XRN2: variants seen among roughly 807,000 people sequenced by gnomAD.
XRN2 encodes 5'-3' exoribonuclease 2.
A neutral mutation model predicts 138.5 loss-of-function variants in XRN2; 44 were observed. The ratio of observed to expected loss-of-function variants is 0.32; its 90% CI spans 0.25 to 0.41. The LOEUF is 0.41. Ranked by LOEUF, XRN2 falls within the 10% of genes least tolerant of loss-of-function variation. The pLI, the probability that XRN2 is intolerant of heterozygous loss-of-function variation, is 1.00. For missense variants in XRN2, 937 were observed against 1,169.3 expected, an observed-to-expected ratio of 0.80 and a Z score of 2.90; for synonymous variants, 354 against 369.4, an observed-to-expected ratio of 0.96 and a Z score of 0.48.
At chr20:21,324,250 C>T (rs1763277274) in intron 1 of XRN2, among the ~76,000 whole-genome samples, 1 of 152,020 alleles carries the variant, frequency 6.6e-6, no homozygotes, top group Non-Finnish European at 1.5e-5. Context: ...AGAAGATTGT[C>T]TAGTAGCTTC....
chr20:21,328,486 T>G, intron 3 of XRN2, 73 bp from the exon 4 acceptor site: 1 of 1,401,532 alleles, frequency 7.1e-7, no homozygotes, highest in Non-Finnish European at 9.9e-7. Flanking sequence ...TAAGAACAAC[T>G]GATTCAAAAT....
intron 27 of XRN2, among the ~76,000 whole-genome samples, chr20:21,373,251 G>C (rs1371691717): frequency 6.6e-6 from 1 of 152,136 alleles, no homozygotes; most frequent in Non-Finnish European, 1.5e-5. Context: ...CTCGTGATCT[G>C]CCCGCCTCGT....
intron 27 of XRN2, among the ~76,000 whole-genome samples, chr20:21,376,148 A>T (rs921490563): frequency 6.6e-6 from 1 of 151,378 alleles, no homozygotes; most frequent in African/African-American, 2.4e-5. Flanking sequence ...ACCAGGTGTT[A>T]TTTTTTAAAA....
chr20:21,307,805 T>C (rs2037824708), intron 1 of XRN2, among the ~76,000 whole-genome samples: 1 of 77,566 alleles, frequency 1.3e-5, no homozygotes, highest in African/African-American at 3.5e-5. Flanking sequence ...GTATGATAAG[T>C]TTTCATTTTC....
chr20:21,320,049 T>C (rs1217516277), intron 1 of XRN2, among the ~76,000 whole-genome samples: 4 of 152,160 alleles, frequency 2.6e-5, no homozygotes, highest in Non-Finnish European at 5.9e-5. Flanking sequence ...TTTGTAACTT[T>C]ATAGCTTGAA....
chr20:21,332,103 A>G (rs1028527123), intron 8 of XRN2, among the ~76,000 whole-genome samples, 180 bp from the exon 9 acceptor site: 9 of 152,170 alleles, frequency 5.9e-5, no homozygotes, highest in Non-Finnish European at 1.2e-4. Context: ...TTGTAGGTCC[A>G]CGTATCTAGA....
At chr20:21,338,726 C>T (rs2038333064) in intron 13 of XRN2, among the ~76,000 whole-genome samples, 1 of 152,034 alleles carries the variant, frequency 6.6e-6, no homozygotes, top group African/African-American at 2.4e-5. Context: ...TGTATCTTCT[C>T]CATATTGACA....
intron 4 of XRN2, among the ~76,000 whole-genome samples, chr20:21,330,072 C>T (rs1313189733): frequency 6.6e-6 from 1 of 152,106 alleles, no homozygotes; most frequent in Non-Finnish European, 1.5e-5. Context: ...GACTGGAGGT[C>T]AGGAGTTCAA....
chr20:21,386,370 GA>G (rs1191920997), intron 28 of XRN2, among the ~76,000 whole-genome samples: 1 of 152,148 alleles, frequency 6.6e-6, no homozygotes. Flanking sequence ...TAATGGATGG[GA>G]AAAAACAGCC....
At position 21,365,697 on chromosome 20, in the gene XRN2, A is replaced by G; in HGVS notation, c.2449A>G (p.Thr817Ala). The change falls in exon 26 of 30, where the codon ACT (threonine) becomes GCT (alanine). Residue 817 changes from threonine (T) to alanine (A), a missense_variant. This residue lies in a region of XRN2 where 372 missense variants were observed against 414.4 expected (regional missense o/e 0.90). Transcript: ENST00000377191. ...GCACCTGGATCAGGCAGCCTTCAGGACTTTGGGGTGAGTTGTCAGTTTTTA... is the reference window on the plus strand; with the variant it reads ...GCACCTGGATCAGGCAGCCTTCAGGGCTTTGGGGTGAGTTGTCAGTTTTTA... ...PVHLDQAAFR[T>A]LGHVMPRGSG... 1.3e-6 allele frequency: 2 copies of G among 1,569,578 alleles called. No individual in the cohort carries two copies. The highest frequency in any genetic ancestry group is 1.1e-5 in the South Asian group (1 of 89,678).
chr20:21,348,976 G>A (rs1568584633), intron 19 of XRN2, among the ~76,000 whole-genome samples: 1 of 152,148 alleles, frequency 6.6e-6, no homozygotes, highest in South Asian at 2.1e-4. Context: ...CTACCTGTAA[G>A]TCTTTAATTT....
chr20:21,388,750 G>A (rs979384623), intron 29 of XRN2, among the ~76,000 whole-genome samples: 3 of 152,132 alleles, frequency 2.0e-5, no homozygotes, highest in Non-Finnish European at 4.4e-5. Flanking sequence ...TAAAGGTCAC[G>A]GCTAATGGAT....
intron 1 of XRN2, among the ~76,000 whole-genome samples, chr20:21,323,397 G>A (rs1269508493): frequency 2.6e-5 from 4 of 152,210 alleles, no homozygotes; most frequent in Non-Finnish European, 5.9e-5. Flanking sequence ...ATAATTAAAA[G>A]TCATTACTTG....
rs552062401 is a variant in XRN2 at position 21,350,504 on chromosome 20, C to T, written c.1936+1043C>T. Among the ~76,000 whole-genome samples, 177 of 107,168 alleles carry T rather than the reference C, an allele frequency of 1.7e-3. 1 individual carries two copies. The highest frequency in any genetic ancestry group is 6.1e-3 in the African/African-American group (167 of 27,176). 70.3% of individuals were successfully genotyped at this position (107,168 alleles called of 152,430 possible). The stretch of plus-strand genomic sequence containing the variant: ...TAGCACCACTGCACTCCAGCCTGGG[C>T]GACAGAGCAAGACTCCGTCTCAAAA... On this transcript the variant is annotated intron_variant, in intron 20 of 29. Coordinates refer to ENST00000377191, the MANE Select transcript of XRN2 (RefSeq NM_012255.5).
chr20:21,315,457 CT>C (rs1830569014), intron 1 of XRN2, among the ~76,000 whole-genome samples: 1 of 152,118 alleles, frequency 6.6e-6, no homozygotes, highest in Non-Finnish European at 1.5e-5. Flanking sequence ...ATCTGTGTAT[CT>C]TTTGGAGAAA....
Position 21,333,782 on chromosome 20 carries a change from A to G in XRN2, c.1012A>G (p.Met338Val), listed in dbSNP as rs1276603457. Residue 338 changes from methionine to valine, a missense_variant, in exon 11 of 30, where the codon ATG becomes GTG. By Grantham distance (21) the Met-to-Val change is conservative. This residue lies in a region of XRN2 where 471 missense variants were observed against 581.2 expected (regional missense o/e 0.81). Coordinates refer to ENST00000377191, the MANE Select transcript of XRN2 (RefSeq NM_012255.5). ...GAGGAGCATTGATGACTGGGTTTTC[A>G]TGTGCTTCTTTGTGGGAAATGACTT... The part of the protein sequence containing the change: ...VERSIDDWVF[M>V]CFFVGNDFLP... The G allele has an allele frequency of 6.2e-7, 1 of 1,614,108 alleles. No homozygotes were observed. Among genetic ancestry groups the G allele is most frequent in the Non-Finnish European group, 8.5e-7 (1 of 1,179,998 alleles).
chr20:21,319,137 C>T (rs2122181941), intron 1 of XRN2, among the ~76,000 whole-genome samples: 1 of 152,234 alleles, frequency 6.6e-6, no homozygotes, highest in Non-Finnish European at 1.5e-5. Context: ...AAATGACCCT[C>T]TTTACCTCCA....
At chr20:21,378,784 A>G (rs2038852138) in intron 27 of XRN2, among the ~76,000 whole-genome samples, 1 of 152,144 alleles carries the variant, frequency 6.6e-6, no homozygotes, top group Non-Finnish European at 1.5e-5. Context: ...ATGAAATTGC[A>G]CTCAAGAAGG....
In XRN2 at chr20:21,348,198, C is replaced by T; in HGVS notation, c.1718C>T (p.Ser573Leu). The T allele has an allele frequency of 1.9e-6, 3 of 1,613,998 alleles. No homozygotes were observed. The highest frequency in any genetic ancestry group is 2.5e-6 in the Non-Finnish European group (3 of 1,179,990). The change falls in exon 18 of 30, where the codon TCA (serine) becomes TTA (leucine). Residue 573 changes from serine to leucine, a missense_variant. By Grantham distance (145) the Ser-to-Leu change is moderately radical. Transcript: ENST00000377191. ...YYPFHYAPFA[S>L]DFEGIADMPS... ...CCATTTCATTATGCACCATTTGCTTCAGACTTTGAAGGCATTGCAGACATG... is the reference window on the plus strand; with the variant it reads ...CCATTTCATTATGCACCATTTGCTTTAGACTTTGAAGGCATTGCAGACATG...
Sources: allele counts gnomAD v4.1 joint callset (sites outside exome capture counted in the v4.1 genomes callset), GRCh38; gene constraint gnomAD v4.1.1; regional missense constraint gnomAD v4.1.1; transcripts MANE v1.5; gene names NCBI Gene and HGNC (gene_info 2026-07-23, HGNC 2026-07-21).